The following CFAP65 variants were observed in gnomAD, a reference collection of about 807,000 sequenced individuals.
The protein encoded by CFAP65 is cilia- and flagella-associated protein 65.
A neutral mutation model predicts 208.0 loss-of-function variants in CFAP65; 155 were observed. The observed-to-expected ratio is 0.75, with a 90% confidence interval of 0.65 to 0.85. The LOEUF is 0.85. Ranked by LOEUF, CFAP65 falls within the 40% of genes least tolerant of loss-of-function variation. The pLI, the probability that CFAP65 is intolerant of heterozygous loss-of-function variation, is 0.00. For synonymous variants in CFAP65, 970 were observed against 986.3 expected (o/e 0.98, Z 0.31); for missense variants, 2,294 against 2,451.3 (o/e 0.94, Z 1.36).
At position 219,021,812 on chromosome 2, in the gene CFAP65, C is replaced by A; in HGVS notation, c.3098G>T (p.Gly1033Val). Residue 1033 changes from glycine (G) to valine (V), a missense_variant, in exon 18 of 35, where the codon GGC becomes GTC. By Grantham distance (109) the Gly-to-Val change is moderately radical. Around this residue, in one of 2 missense-constraint regions of CFAP65, gnomAD observed 1,427 missense variants for 1,438.7 expected, o/e 0.99. Coordinates refer to ENST00000341552, the MANE Select transcript of CFAP65 (RefSeq NM_194302.4). ...GTGGTTGTCAACGGCCTCAGGGCTG[C>A]CCTGCTCCAGGTAGAGGCGGTAATA... is the stretch of plus-strand genomic sequence containing the variant. ...TLYYRLYLEQ[G>V]SPEAVDNHPL... 6.2e-7 allele frequency: 1 copy of A among 1,613,790 alleles called. No individual in the cohort carries two copies. Among genetic ancestry groups the A allele is most frequent in the Non-Finnish European group, 8.5e-7 (1 of 1,179,992 alleles).
At chr2:219,025,118 C>T (rs1319041900) in intron 14 of CFAP65, among the ~76,000 whole-genome samples, 3 of 152,088 alleles carry the variant, frequency 2.0e-5, no homozygotes, top group Non-Finnish European at 4.4e-5. Flanking sequence ...ACCAGAGGTC[C>T]CCATCAAGCT....
intron 11 of CFAP65, among the ~76,000 whole-genome samples, chr2:219,029,041 G>A (rs915239484): frequency 2.6e-5 from 4 of 152,202 alleles, no homozygotes; most frequent in Non-Finnish European, 4.4e-5. Context: ...TGCTATGTGG[G>A]GTGGCTCCAG....
intron 10 of CFAP65, 144 bp downstream of exon 10, chr2:219,029,842 A>ATTCCC (rs1411297855): frequency 1.9e-5 from 21 of 1,129,092 alleles, no homozygotes; most frequent in Non-Finnish European, 2.5e-5. Context: ...GTCACGGATG[A>ATTCCC]TTCCCCACAG....
intron 14 of CFAP65, among the ~76,000 whole-genome samples, chr2:219,024,481 G>GT (rs1181078488): frequency 7.2e-6 from 1 of 138,732 alleles, no homozygotes; most frequent in African/African-American, 2.6e-5. Flanking sequence ...GGGGCGGGGG[G>GT]GGGGCAGGGG....
In CFAP65 at chr2:219,003,980, C is replaced by T; in HGVS notation, c.5527G>A (p.Glu1843Lys). 1 of 1,613,798 alleles carries T rather than the reference C, an allele frequency of 6.2e-7. No individual in the cohort carries two copies. Among genetic ancestry groups the T allele is most frequent in the Non-Finnish European group, 8.5e-7 (1 of 1,179,904 alleles). The change falls in exon 33 of 35, where the codon GAA becomes AAA. Residue 1843 changes from glutamate to lysine, a missense_variant. Glu to Lys is a moderately conservative substitution (Grantham distance 56). Around this residue, in one of 2 missense-constraint regions of CFAP65, gnomAD observed 1,427 missense variants for 1,438.7 expected, o/e 0.99. Transcript: ENST00000341552. The surrounding 1 kb of genome is among the most constrained non-coding windows in gnomAD (Gnocchi z 4.4). ...QLNVMVKEEQ[E>K]QDEKEAIRRL... The stretch of plus-strand genomic sequence containing the variant: ...CTGATGGCCTCCTTCTCGTCCTGTT[C>T]TTGCTCCTCCTTCACCATGACATTC...
In CFAP65 at chr2:219,029,477, T is replaced by A; in HGVS notation, c.1576A>T (p.Thr526Ser). The change falls in exon 11 of 35, where the codon ACC becomes TCC. Residue 526 changes from threonine (T) to serine (S), a missense_variant. Thr to Ser is a moderately conservative substitution (Grantham distance 58). Around this residue, in one of 2 missense-constraint regions of CFAP65, gnomAD observed 867 missense variants for 1,012.6 expected, o/e 0.86. Transcript: ENST00000341552. ...GTGGGCTGGAAGGCACAGTGCAGGGTCATACGGGCCTTGCCCACCAGCGTC... is the reference window on the plus strand; with the variant it reads ...GTGGGCTGGAAGGCACAGTGCAGGGACATACGGGCCTTGCCCACCAGCGTC... Reference protein sequence around the residue: ...FGTLVGKARMTLHCAFQPTHP... With the variant: ...FGTLVGKARMSLHCAFQPTHP... 6.2e-7 allele frequency: 1 copy of A among 1,613,894 alleles called. No homozygotes were observed. Among genetic ancestry groups the A allele is most frequent in the Non-Finnish European group, 8.5e-7 (1 of 1,179,962 alleles).
In CFAP65 at chr2:219,032,023, G is replaced by A. The variant is rs1228934163; in HGVS notation, c.646-365C>T. ...GCAACAGCCGCCTCCCGGTTCAAGT[G>A]ATTCTGCTGCCTCAGCCTCCCAAGT... On this transcript the variant is annotated intron_variant, in intron 6 of 34. Transcript: ENST00000341552. The surrounding 1 kb of genome is among the most constrained non-coding windows in gnomAD (Gnocchi z 5.5). 1.3e-5 allele frequency among the ~76,000 whole-genome samples: 2 copies of A among 150,640 alleles called. No individual in the cohort carries two copies. Among genetic ancestry groups the A allele is most frequent in the Non-Finnish European group, 3.0e-5 (2 of 67,770 alleles).
At chr2:219,014,146 TC>T in intron 21 of CFAP65, 102 bp from the exon 22 acceptor site, 3 of 1,022,710 alleles carry the variant, frequency 2.9e-6, no homozygotes, top group Non-Finnish European at 4.2e-6. Flanking sequence ...CTTCCATGAC[TC>T]CCGCACTTCA....
At position 219,038,536 on chromosome 2, in the gene CFAP65, T is replaced by G. The variant is rs6736922; in HGVS notation, c.196A>C (p.Met66Leu). 0.74 allele frequency: 1,188,144 copies of G among 1,613,702 alleles called. 442,762 individuals are homozygous for G. The highest frequency in any genetic ancestry group is 0.77 in the Non-Finnish European group (905,253 of 1,179,852). Residue 66 changes from methionine (M) to leucine (L), a missense_variant, in exon 4 of 35, where the codon ATG becomes CTG. Physicochemically the swap from Met to Leu is conservative, Grantham distance 15. This residue lies in a region of CFAP65 where 867 missense variants were observed against 1,012.6 expected (regional missense o/e 0.86). Transcript: ENST00000341552. ...GAGCTTGGAGCCTGGGTGAGCATCA[T>G]GTCCTTGGGACACAGTCCAAAGGGA... Reference protein sequence around the residue: ...SAPFGLCPKDMMLTQAPSSVV... With the variant: ...SAPFGLCPKDLMLTQAPSSVV...
intron 22 of CFAP65, 65 bp downstream of exon 22, chr2:219,013,803 A>G: frequency 6.9e-7 from 1 of 1,458,108 alleles, no homozygotes; most frequent in Non-Finnish European, 9.4e-7. Flanking sequence ...GAGTCATACA[A>G]TGAAATGCCC....
chr2:219,013,916 G>C lies in CFAP65; in HGVS notation c.3731C>G (p.Ala1244Gly). The change falls in exon 22 of 35, where the codon GCT (alanine) becomes GGT (glycine). Residue 1244 changes from alanine to glycine, a missense_variant. This residue lies in a region of CFAP65 where 1,427 missense variants were observed against 1,438.7 expected (regional missense o/e 0.99). Transcript: ENST00000341552. ...DNCLFSISPK[A>G]GSLSPGQEQM... Reference sequence around the variant, plus strand: ...CTCCTGCCCAGGACTCAGGCTCCCAGCCTTGGGGCTGATGGAGAAGAGGCA... The same window carrying C: ...CTCCTGCCCAGGACTCAGGCTCCCACCCTTGGGGCTGATGGAGAAGAGGCA... 6.2e-7 allele frequency: 1 copy of C among 1,613,948 alleles called. No homozygotes were observed. Among genetic ancestry groups the C allele is most frequent in the Non-Finnish European group, 8.5e-7 (1 of 1,179,946 alleles).
chr2:219,006,608 C>T (rs1379806923), intron 29 of CFAP65, 99 bp from the exon 30 acceptor site: 33 of 1,166,590 alleles, frequency 2.8e-5, no homozygotes, highest in African/African-American at 2.3e-4. Context: ...CCAAGGCGGG[C>T]GGATCACCTG....
In CFAP65 at chr2:219,027,844, G is replaced by A; in HGVS notation, c.2017C>T (p.Pro673Ser). 1.3e-6 allele frequency: 2 copies of A among 1,594,112 alleles called. No homozygotes were observed. The highest frequency in any genetic ancestry group is 1.7e-6 in the Non-Finnish European group (2 of 1,167,938). ...TTGGTGTGGTTCATCAGGCACAGGG[G>A]TACAGGGTTGGGGGCCTCAGGCCCT... Reference protein sequence around the residue: ...CPGPEAPNPVPLCLMNHTKGK... With the variant: ...CPGPEAPNPVSLCLMNHTKGK... Residue 673 changes from proline to serine, a missense_variant, in exon 13 of 35, where the codon CCC becomes TCC. Around this residue, in one of 2 missense-constraint regions of CFAP65, gnomAD observed 867 missense variants for 1,012.6 expected, o/e 0.86. Coordinates refer to ENST00000341552, the MANE Select transcript of CFAP65 (RefSeq NM_194302.4).
chr2:219,035,636 T>C lies in CFAP65; in HGVS notation c.386A>G (p.His129Arg). Residue 129 changes from histidine (H) to arginine (R), a missense_variant, in exon 5 of 35, where the codon CAC (histidine) becomes CGC (arginine). Physicochemically the swap from His to Arg is conservative, Grantham distance 29 (BLOSUM62 0). Around this residue, in one of 2 missense-constraint regions of CFAP65, gnomAD observed 867 missense variants for 1,012.6 expected, o/e 0.86. Transcript: ENST00000341552. ...QPASSMDTQM[H>R]SPKKQERVNK... ...CACTCTCTCCTGCTTCTTTGGGGAG[T>C]GCATCTGAGTGTCCATGGAGCTTGC... The C allele has an allele frequency of 3.1e-6, 5 of 1,613,168 alleles. No homozygotes were observed. Among genetic ancestry groups the C allele is most frequent in the Non-Finnish European group, 4.2e-6 (5 of 1,179,770 alleles).
At chr2:219,034,510 A>G (rs950111398) in intron 5 of CFAP65, 2 of 152,230 alleles carry the variant, frequency 1.3e-5, no homozygotes, top group African/African-American at 4.8e-5. Context: ...CACCAATCAT[A>G]AAATAAAAAG....
chr2:219,030,654 C>T (rs202095438), intron 9 of CFAP65, 35 bp downstream of exon 9: 574 of 1,601,594 alleles, frequency 3.6e-4, no homozygotes, highest in Non-Finnish European at 4.5e-4. Context: ...ATCCTGGGGG[C>T]GTGAGTCCTG....
In CFAP65 at chr2:219,024,190, A is replaced by C; in HGVS notation, c.2420T>G (p.Leu807Arg). ...CTGGGGGGCCAGGCTGAAGGTCAGC[A>C]GCTTGCAGTCTTTGTTGACCAGGAG... The part of the protein sequence containing the change: ...SLLLVNKDCK[L>R]LTFSLAPQRG... The change falls in exon 15 of 35, where the codon CTG (leucine) becomes CGG (arginine). Residue 807 changes from leucine to arginine, a missense_variant. Physicochemically the swap from Leu to Arg is moderately radical, Grantham distance 102. Coordinates refer to ENST00000341552, the MANE Select transcript of CFAP65 (RefSeq NM_194302.4). The C allele has an allele frequency of 6.2e-7, 1 of 1,613,992 alleles. No individual in the cohort carries two copies. The highest frequency in any genetic ancestry group is 8.5e-7 in the Non-Finnish European group (1 of 1,180,022).
intron 14 of CFAP65, among the ~76,000 whole-genome samples, chr2:219,024,987 A>G (rs6739858): frequency 0.02 from 3,109 of 152,348 alleles, 116 homozygotes; most frequent in African/African-American, 0.07. Flanking sequence ...ATTCTCATGC[A>G]GGTAACTGAT....
Position 219,022,086 on chromosome 2 carries a change from C to T in CFAP65, c.2979+85G>A, listed in dbSNP as rs185155985. The T allele has an allele frequency of 6.7e-5, 101 of 1,516,840 alleles. 1 individual carries two copies. The East Asian group carries it at 2.2e-3, about 33-fold the overall frequency. 94.0% of individuals were successfully genotyped at this position (1,516,840 alleles called of 1,614,324 possible). ...CCTCTGCCCTCTTGGCCTTCCCTCC[C>T]ACCTTGGGAGGTTCCCTGGGGCCTT... On this transcript the variant is annotated intron_variant, in intron 17 of 34. Coordinates refer to ENST00000341552, the MANE Select transcript of CFAP65 (RefSeq NM_194302.4).
Sources: allele counts gnomAD v4.1 joint callset (sites outside exome capture counted in the v4.1 genomes callset), GRCh38; gene constraint gnomAD v4.1.1; regional missense constraint gnomAD v4.1.1; non-coding constraint Gnocchi (gnomAD v3.1); transcripts MANE v1.5; gene names NCBI Gene and HGNC (gene_info 2026-07-23, HGNC 2026-07-21).